The following ROBO2 variants were observed in gnomAD, a reference collection of about 807,000 sequenced individuals.
ROBO2 encodes the protein roundabout homolog 2.
ROBO2 carries 53 observed loss-of-function variants against 160.8 expected under a neutral mutation model. The observed-to-expected ratio is 0.33, with a 90% CI of 0.26 to 0.41. ROBO2 has a LOEUF of 0.41. Ranked by LOEUF, ROBO2 falls within the 10% of genes least tolerant of loss-of-function variation. ROBO2 has a pLI of 1.00. For synonymous variants in ROBO2, 664 were observed against 611.7 expected (o/e 1.09, Z -1.26); for missense variants, 1,577 against 1,722.4 (o/e 0.92, Z 1.49).
intron 2 of ROBO2, among the ~76,000 whole-genome samples, chr3:77,407,433 C>T (rs2076342695): frequency 6.6e-6 from 1 of 152,118 alleles, no homozygotes; most frequent in South Asian, 2.1e-4. Context: ...TGGTTTCATG[C>T]CAAGAACAAA....
intron 2 of ROBO2, among the ~76,000 whole-genome samples, chr3:77,250,779 G>T (rs1238658488): frequency 6.6e-6 from 1 of 152,064 alleles, no homozygotes; most frequent in African/African-American, 2.4e-5. Context: ...CATGAGAGAT[G>T]GAGGGTAAGG....
chr3:76,266,642 G>A (rs1032196406), intron 2 of ROBO2, among the ~76,000 whole-genome samples: 5 of 152,136 alleles, frequency 3.3e-5, no homozygotes, highest in East Asian at 1.9e-4. Context: ...TATTATGAAT[G>A]TTCTGAAAGA....
chr3:77,050,533 G>A (rs1315261049), intron 1 of ROBO2, among the ~76,000 whole-genome samples: 1 of 150,352 alleles, frequency 6.7e-6, no homozygotes, highest in African/African-American at 2.4e-5. Flanking sequence ...AAAAGAAAAT[G>A]CTAGGTACAA....
chr3:77,563,014 G>A (rs2093373529), intron 10 of ROBO2, among the ~76,000 whole-genome samples, 153 bp from the exon 12 acceptor site: 1 of 152,074 alleles, frequency 6.6e-6, no homozygotes, highest in South Asian at 2.1e-4. Flanking sequence ...TTAACATGTA[G>A]GAGAAGCAAA....
chr3:76,284,035 C>T (rs1202753022), intron 2 of ROBO2, among the ~76,000 whole-genome samples: 1 of 151,980 alleles, frequency 6.6e-6, no homozygotes, highest in Admixed American at 6.6e-5. Flanking sequence ...AATGACCCTA[C>T]CATTCTAATT....
intron 2 of ROBO2, among the ~76,000 whole-genome samples, chr3:77,006,814 A>G (rs1421546036): frequency 2.0e-5 from 3 of 152,090 alleles, no homozygotes; most frequent in Non-Finnish European, 2.9e-5. Flanking sequence ...AAAAAATAGG[A>G]AAGAAAATTA....
chr3:76,190,867 G>C (rs1233668418), intron 2 of ROBO2, among the ~76,000 whole-genome samples: 2 of 152,192 alleles, frequency 1.3e-5, no homozygotes, highest in South Asian at 2.1e-4. Context: ...TATATGCTCA[G>C]TTATTTAGGT....
At chr3:76,727,212 A>T (rs1158972599) in intron 2 of ROBO2, among the ~76,000 whole-genome samples, 1 of 152,190 alleles carries the variant, frequency 6.6e-6, no homozygotes, top group Non-Finnish European at 1.5e-5. Context: ...CTAGACTCTA[A>T]GAATAAAGTT....
chr3:76,576,547 C>T (rs1005509649), intron 2 of ROBO2, among the ~76,000 whole-genome samples: 1 of 152,076 alleles, frequency 6.6e-6, no homozygotes, highest in African/African-American at 2.4e-5. Flanking sequence ...AATCACAAAT[C>T]AGGTGGCCTA....
chr3:76,662,082 G>A (rs555572054), intron 2 of ROBO2, among the ~76,000 whole-genome samples: 33 of 152,220 alleles, frequency 2.2e-4, no homozygotes, highest in African/African-American at 7.7e-4. Flanking sequence ...AAAGAGAGGA[G>A]GGTGTAAGGA....
intron 8 of ROBO2, among the ~76,000 whole-genome samples, chr3:77,555,663 G>A (rs917223810): frequency 2.6e-5 from 4 of 151,822 alleles, no homozygotes; most frequent in African/African-American, 9.7e-5. Flanking sequence ...TAAAAAGACT[G>A]GGGAGATAAG....
chr3:77,358,191 C>T (rs948139301), intron 2 of ROBO2, among the ~76,000 whole-genome samples: 2 of 152,104 alleles, frequency 1.3e-5, no homozygotes, highest in Non-Finnish European at 2.9e-5. Flanking sequence ...GTCAGCAGGG[C>T]CATGTTCTCT....
At chr3:77,045,202 T>TTAG (rs1259523613) in intron 1 of ROBO2, among the ~76,000 whole-genome samples, 1 of 152,148 alleles carries the variant, frequency 6.6e-6, no homozygotes, top group Non-Finnish European at 1.5e-5. Flanking sequence ...CTCTACTGTT[T>TTAG]TAGTAGTGTG....
rs1298765086 is a variant in ROBO2 at position 77,289,982 on chromosome 3, G to C, written c.389-187432G>C. 3.3e-5 allele frequency among the ~76,000 whole-genome samples: 5 copies of C among 150,966 alleles called. No homozygotes were observed. In the Admixed American group the frequency reaches 3.3e-4, roughly 10 times the overall value. ...CCCCAGACATTAAGTAAAATTGATG[G>C]TTAAACGGGTAAACTGAGGCTAGAT... On this transcript the variant is annotated intron_variant, in intron 2 of 25. Transcript: ENST00000461745.
intron 11 of ROBO2, chr3:77,564,697 T>C: frequency 1.8e-6 from 1 of 558,200 alleles, no homozygotes; most frequent in Non-Finnish European, 3.2e-6. Context: ...CTGCTGTGCA[T>C]TAGCAAAGGG....
intron 2 of ROBO2, among the ~76,000 whole-genome samples, chr3:76,062,635 G>A (rs1413357290): frequency 6.6e-6 from 1 of 152,162 alleles, no homozygotes; most frequent in Admixed American, 6.5e-5. Flanking sequence ...AATTGGGTTT[G>A]TGCTTTCATC....
chr3:76,249,574 T>C (rs1444137559), intron 2 of ROBO2, among the ~76,000 whole-genome samples: 1 of 152,158 alleles, frequency 6.6e-6, no homozygotes, highest in Non-Finnish European at 1.5e-5. Flanking sequence ...TGCAAGCAAC[T>C]AAGTCATGTT....
At chr3:77,254,062 G>T (rs751272163) in intron 2 of ROBO2, among the ~76,000 whole-genome samples, 1 of 152,080 alleles carries the variant, frequency 6.6e-6, no homozygotes, top group South Asian at 2.1e-4. Flanking sequence ...TTCCTTTAAA[G>T]ATATATAGCC....
chr3:76,710,792 A>C (rs1330526420), intron 2 of ROBO2, among the ~76,000 whole-genome samples: 1 of 152,188 alleles, frequency 6.6e-6, no homozygotes, highest in African/African-American at 2.4e-5. Flanking sequence ...AAATGAGCTA[A>C]AGATATAACA....
Sources: allele counts gnomAD v4.1 joint callset (sites outside exome capture counted in the v4.1 genomes callset), GRCh38; gene constraint gnomAD v4.1.1; transcripts MANE v1.5; gene names NCBI Gene and HGNC (gene_info 2026-07-23, HGNC 2026-07-21).